The following GRID2 variants were observed in gnomAD, a reference collection of about 807,000 sequenced individuals.
GRID2 encodes glutamate receptor ionotropic, delta-2.
GRID2 carries 33 observed loss-of-function variants against 114.8 expected under a neutral mutation model. The observed-to-expected ratio is 0.29, with a 90% confidence interval of 0.22 to 0.38. The LOEUF (loss-of-function observed/expected upper bound fraction) is 0.38, where lower values mean the gene tolerates loss of function less well. GRID2 is among the 10% of genes least tolerant of loss of function. The pLI, the probability that GRID2 is intolerant of heterozygous loss-of-function variation, is 1.00. For missense variants in GRID2, 1,184 were observed against 1,257.7 expected (o/e 0.94, Z 0.89); for synonymous variants, 505 against 449.9 (o/e 1.12, Z -1.55).
chr4:92,984,777 T>C (rs1578675684), intron 2 of GRID2, among the ~76,000 whole-genome samples: 1 of 152,180 alleles, frequency 6.6e-6, no homozygotes, highest in Admixed American at 6.5e-5. Flanking sequence ...TTCTTTTTTT[T>C]TTTTTCCCAG....
chr4:92,778,235 G>GC (rs1553926494), intron 2 of GRID2, among the ~76,000 whole-genome samples: 43 of 151,018 alleles, frequency 2.8e-4, no homozygotes, highest in Non-Finnish European at 4.0e-4. Context: ...CTTCTCCATT[G>GC]TTTTTTTTTA....
chr4:93,750,085 A>G (rs187518180), intron 14 of GRID2, among the ~76,000 whole-genome samples: 62 of 152,328 alleles, frequency 4.1e-4, no homozygotes, highest in African/African-American at 1.2e-3. Context: ...CAGCAAATTG[A>G]TCGAACGCAT....
chr4:92,908,935 G>A (rs1462081974), intron 2 of GRID2, among the ~76,000 whole-genome samples: 1 of 152,042 alleles, frequency 6.6e-6, no homozygotes, highest in Non-Finnish European at 1.5e-5. Context: ...ATGAATAGAA[G>A]CTCATTGTCA....
intron 13 of GRID2, among the ~76,000 whole-genome samples, chr4:93,596,426 A>C (rs2149629493): frequency 6.6e-6 from 1 of 152,150 alleles, no homozygotes; most frequent in South Asian, 2.1e-4. Flanking sequence ...CAAATACAAA[A>C]AATTAGCTGG....
intron 4 of GRID2, among the ~76,000 whole-genome samples, chr4:93,152,842 T>C (rs1015427089): frequency 1.1e-4 from 16 of 152,110 alleles, no homozygotes; most frequent in Non-Finnish European, 4.4e-5. Flanking sequence ...TCGGCAGTTA[T>C]AAATATTACC....
chr4:92,308,377 A>G (rs1725522555), intron 1 of GRID2, among the ~76,000 whole-genome samples: 1 of 152,196 alleles, frequency 6.6e-6, no homozygotes, highest in Admixed American at 6.5e-5. Flanking sequence ...TTATTCATAT[A>G]TTATACAAAT....
chr4:93,379,649 C>T (rs57623534), intron 8 of GRID2, among the ~76,000 whole-genome samples: 5 of 152,060 alleles, frequency 3.3e-5, no homozygotes, highest in Middle Eastern at 6.8e-3. Context: ...TATGAATGGT[C>T]GATTGCATAC....
chr4:92,779,222 A>G (rs1414119160), intron 2 of GRID2, among the ~76,000 whole-genome samples: 1 of 115,676 alleles, frequency 8.6e-6, no homozygotes, highest in Admixed American at 8.0e-5. Flanking sequence ...GTGTGTGTGT[A>G]TTTTAATCTG....
At chr4:93,023,659 A>G (rs1399672304) in intron 2 of GRID2, among the ~76,000 whole-genome samples, 1 of 151,928 alleles carries the variant, frequency 6.6e-6, no homozygotes, top group African/African-American at 2.4e-5. Context: ...GGACAGGGCT[A>G]AGACATATAT....
chr4:93,241,530 A>G (rs1342017074), intron 8 of GRID2, among the ~76,000 whole-genome samples: 2 of 151,878 alleles, frequency 1.3e-5, no homozygotes, highest in Non-Finnish European at 2.9e-5. Context: ...TAAAATTATA[A>G]TTATGCTTAT....
chr4:93,682,354 A>G (rs1180653899), intron 14 of GRID2, among the ~76,000 whole-genome samples: 2 of 151,662 alleles, frequency 1.3e-5, no homozygotes, highest in African/African-American at 2.4e-5. Flanking sequence ...TAGTTCAACC[A>G]TTGTGGAAGT....
At chr4:93,553,815 T>G (rs557700423) in intron 13 of GRID2, among the ~76,000 whole-genome samples, 2 of 152,332 alleles carry the variant, frequency 1.3e-5, no homozygotes, top group Admixed American at 6.5e-5. Context: ...GGAAGACTAC[T>G]AATTTTTACT....
chr4:93,750,968 T>C (rs1227322751), intron 14 of GRID2, among the ~76,000 whole-genome samples: 2 of 152,134 alleles, frequency 1.3e-5, no homozygotes, highest in Non-Finnish European at 2.9e-5. Context: ...TTGGAAGAGT[T>C]GTAACATGTT....
At chr4:92,797,953 T>G (rs890417420) in intron 2 of GRID2, among the ~76,000 whole-genome samples, 2 of 151,964 alleles carry the variant, frequency 1.3e-5, no homozygotes, top group Admixed American at 6.6e-5. Flanking sequence ...TTGATAAAGT[T>G]TTTACTGCCT....
intron 10 of GRID2, among the ~76,000 whole-genome samples, chr4:93,430,003 G>C (rs556648072): frequency 6.6e-6 from 1 of 152,098 alleles, no homozygotes; most frequent in Non-Finnish European, 1.5e-5. Context: ...ACTAAACAGA[G>C]TAAATCAGCT....
chr4:92,359,171 G>A (rs1460394878), intron 1 of GRID2, among the ~76,000 whole-genome samples: 1 of 151,702 alleles, frequency 6.6e-6, no homozygotes, highest in Admixed American at 6.6e-5. Context: ...CGATTTTATG[G>A]TCCCTCTTCC....
At chr4:93,272,196 T>G (rs1222683895) in intron 8 of GRID2, among the ~76,000 whole-genome samples, 2 of 152,174 alleles carry the variant, frequency 1.3e-5, no homozygotes, top group African/African-American at 4.8e-5. Flanking sequence ...TAGGAATTCA[T>G]TAGGGAAGAA....
intron 2 of GRID2, among the ~76,000 whole-genome samples, chr4:92,893,539 G>A (rs1325359485): frequency 6.6e-6 from 1 of 152,142 alleles, no homozygotes; most frequent in Admixed American, 6.5e-5. Context: ...GGTTAGAATA[G>A]CATGATCCCA....
At chr4:92,903,186 G>C (rs1344053994) in intron 2 of GRID2, among the ~76,000 whole-genome samples, 2 of 151,460 alleles carry the variant, frequency 1.3e-5, no homozygotes, top group East Asian at 3.9e-4. Flanking sequence ...TGATTCATGA[G>C]CATGGGATAT....
Sources: gnomAD v4.1 joint callset for allele counts (sites outside exome capture counted in the v4.1 genomes callset) on GRCh38, gnomAD v4.1.1 for gene constraint, MANE v1.5 for transcripts, NCBI Gene and HGNC (gene_info 2026-07-23, HGNC 2026-07-21) for gene names.